Variants in KIF14 observed in about 807,000 individuals in gnomAD.
The protein encoded by KIF14 is kinesin family member 14.
Under a neutral mutation model 176.2 loss-of-function variants are expected in KIF14, and 98 were observed. That is an observed-to-expected ratio of 0.56 (90% CI 0.47 to 0.66). The LOEUF (loss-of-function observed/expected upper bound fraction) is 0.66. Ranked by LOEUF, KIF14 falls within the 30% of genes least tolerant of loss-of-function variation. The probability of loss-of-function intolerance (pLI) is 0.00; values close to 1 mark genes in which losing one functional copy is unlikely to be tolerated. For synonymous variants in KIF14, 566 were observed against 632.2 expected, an observed-to-expected ratio of 0.90 and a Z score of 1.57; for missense variants, 1,751 against 1,920.4, an observed-to-expected ratio of 0.91 and a Z score of 1.65.
At chr1:200,614,437 A>G in intron 3 of KIF14, 32 bp from the exon 4 acceptor site, 1 of 1,301,178 alleles carries the variant, frequency 7.7e-7, no homozygotes, top group African/African-American at 1.5e-5. Context: ...AGGGGGAAAT[A>G]AAACTAATTC....
chr1:200,570,063 A>G, intron 22 of KIF14, 58 bp from the exon 23 acceptor site: 1 of 788,600 alleles, frequency 1.3e-6, no homozygotes, highest in Admixed American at 2.4e-5. Flanking sequence ...TAATATTATT[A>G]AGAATATTTA....
At position 200,603,224 on chromosome 1, in the gene KIF14, G is replaced by A. The variant is rs1558083294; in HGVS notation, c.1979+2C>T. 1 of 1,519,338 alleles carries A rather than the reference G, an allele frequency of 6.6e-7. No individual in the cohort carries two copies. The allele number at this position is 1,519,338 out of a possible 1,614,324, so 94.1% of individuals were successfully genotyped here. A position where few individuals can be genotyped will look rare whatever the true frequency, so the allele number is the denominator to read the frequency against. On this transcript the variant is annotated splice_donor_variant, in intron 10 of 29. Transcript: ENST00000367350. LOFTEE classifies it low-confidence loss of function (GC_TO_GT_DONOR). ...ATTCTTTATACTTCAAAAGATACTT[G>A]CCATGTAAGAACAGATTCACGATAA...
chr1:200,555,315 A>G (rs1656774486), intron 28 of KIF14, 65 bp downstream of exon 28: 3 of 1,014,140 alleles, frequency 3.0e-6, no homozygotes, highest in African/African-American at 1.7e-5. Flanking sequence ...AAAAATATCT[A>G]CATTTGAACC....
At chr1:200,616,124 A>T (rs907424084) in intron 2 of KIF14, among the ~76,000 whole-genome samples, 1 of 152,084 alleles carries the variant, frequency 6.6e-6, no homozygotes, top group African/African-American at 2.4e-5. Context: ...ATCTTTCTGT[A>T]TATCCTTTTT....
chr1:200,591,554 A>G (rs551436822), intron 16 of KIF14, among the ~76,000 whole-genome samples: 7 of 152,374 alleles, frequency 4.6e-5, no homozygotes, highest in Non-Finnish European at 8.8e-5. Context: ...TTACAAGGAT[A>G]CTACTTATGC....
chr1:200,578,962 G>A (rs774921915), intron 21 of KIF14, among the ~76,000 whole-genome samples: 3 of 152,068 alleles, frequency 2.0e-5, no homozygotes, highest in East Asian at 1.9e-4. Flanking sequence ...ATGGTGGTGG[G>A]CACCTGTAGT....
chr1:200,591,803 C>T (rs1004741007), intron 16 of KIF14, among the ~76,000 whole-genome samples: 6 of 152,154 alleles, frequency 3.9e-5, no homozygotes, highest in African/African-American at 1.2e-4. Context: ...TGTCATAGCA[C>T]TGTTATAACT....
At chr1:200,610,855 TGA>T (rs1300883030) in intron 4 of KIF14, among the ~76,000 whole-genome samples, 1 of 152,028 alleles carries the variant, frequency 6.6e-6, no homozygotes, top group Non-Finnish European at 1.5e-5. Context: ...ATGTGAGGCA[TGA>T]GAGACAGAGT....
intron 22 of KIF14, among the ~76,000 whole-genome samples, chr1:200,572,916 C>G (rs1657889148): frequency 6.6e-6 from 1 of 152,170 alleles, no homozygotes; most frequent in Non-Finnish European, 1.5e-5. Flanking sequence ...CCAACTCTGT[C>G]AAGTCCTCAA....
Position 200,593,763 on chromosome 1 carries a change from G to T in KIF14, c.2556C>A (p.Ile852=). 2 of 1,589,980 alleles carry T rather than the reference G, an allele frequency of 1.3e-6. No homozygotes were observed. The highest frequency in any genetic ancestry group is 1.7e-6 in the Non-Finnish European group (2 of 1,158,944). Residue 852 remains isoleucine (I), a synonymous_variant, in exon 15 of 30, where the codon ATC becomes ATA. Transcript: ENST00000367350. ...GVLIADDHCT[I]KNFGGTVSII... The stretch of plus-strand genomic sequence containing the variant: ...TACTCACTGTCCCACCAAAATTTTT[G>T]ATAGTACTGTTAAAATAAGAAGCAC...
At chr1:200,610,229 G>A (rs143306723) in intron 4 of KIF14, among the ~76,000 whole-genome samples, 45 of 152,190 alleles carry the variant, frequency 3.0e-4, no homozygotes, top group African/African-American at 8.7e-4. Context: ...GGCTGGGCGC[G>A]GTGGCTCACG....
chr1:200,606,455 A>G (rs1659883409), intron 6 of KIF14, among the ~76,000 whole-genome samples: 1 of 152,208 alleles, frequency 6.6e-6, no homozygotes, highest in Non-Finnish European at 1.5e-5. Context: ...AGGAAGGGGT[A>G]AAAGAAAGAA....
intron 23 of KIF14, among the ~76,000 whole-genome samples, chr1:200,568,530 A>G (rs563059115): frequency 6.6e-6 from 1 of 152,316 alleles, no homozygotes; most frequent in African/African-American, 2.4e-5. Context: ...TTATTTTAAA[A>G]TTTTTGTTTA....
chr1:200,553,873 C>CA, intron 29 of KIF14, 106 bp from the exon 30 acceptor site: 1 of 1,118,212 alleles, frequency 8.9e-7, no homozygotes, highest in Non-Finnish European at 1.3e-6. Flanking sequence ...GTGACCCTAT[C>CA]AAAACAATTC....
Position 200,584,521 on chromosome 1 carries a change from G to T in KIF14, c.3241+1580C>A, listed in dbSNP as rs112129754. Among the ~76,000 whole-genome samples the T allele has an allele frequency of 5.3e-5, 8 of 152,240 alleles. 1 individual carries two copies. Among genetic ancestry groups the T allele is most frequent in the African/African-American group, 1.4e-4 (6 of 41,554 alleles). ...GGATCATACACCATGATCAAGTGGG[G>T]TTTATCACTGGGATGCAAGGATGGT... On this transcript the variant is annotated intron_variant, in intron 19 of 29. Coordinates refer to ENST00000367350, the MANE Select transcript of KIF14 (RefSeq NM_014875.3).
intron 14 of KIF14, 129 bp from the exon 15 acceptor site, chr1:200,593,898 T>G: frequency 6.1e-6 from 3 of 489,940 alleles, no homozygotes; most frequent in Non-Finnish European, 1.1e-5. Context: ...GTAACAATAA[T>G]TTAAAATTAT....
rs1171192347 is a variant in KIF14, at chr1:200,553,178, G to A, written c.*210C>T. The A allele has an allele frequency of 1.9e-5, 7 of 375,630 alleles. No individual in the cohort carries two copies. The highest frequency in any genetic ancestry group is 3.2e-5 in the Non-Finnish European group (7 of 218,238). 23.3% of individuals were successfully genotyped at this position (375,630 alleles called of 1,614,324 possible). On this transcript the variant is annotated 3_prime_UTR_variant, in exon 30 of 30. Transcript: ENST00000367350. ...AGGCCGGTCTCAAACTCCTGACCTT[G>A]TGATCTGCCCGCCTCCCAAAGTGCT... is the stretch of plus-strand genomic sequence containing the variant.
At position 200,551,925 on chromosome 1, in the gene KIF14, A is replaced by C. The variant is rs1656550872; in HGVS notation, c.*1463T>G. ...AAAAATAAAAAAAGAAATGAAAGCA[A>C]ATGTGCTACATTGTACCATTTTAAA... On this transcript the variant is annotated 3_prime_UTR_variant, in exon 30 of 30. Transcript: ENST00000367350. 1 of 152,216 alleles carries C rather than the reference A, an allele frequency of 6.6e-6. No homozygotes were observed. Among genetic ancestry groups the C allele is most frequent in the African/African-American group, 2.4e-5 (1 of 41,458 alleles). 9.4% of individuals were successfully genotyped at this position (152,216 alleles called of 1,614,324 possible).
In KIF14 at chr1:200,615,483, A is replaced by T; in HGVS notation, c.1239T>A (p.Cys413Ter). ...TTGTCTGGCTAGCGTAGTGAGGATG[A>T]CATTCATCAAAAGACCAGAATGAAA... ...YDVSFWSFDECHPHYASQTTV... is the reference protein window; with the variant it reads ...YDVSFWSFDE Residue 413 changes from cysteine (C) to a stop codon, truncating the protein, a stop_gained, in exon 3 of 30, where the codon TGT becomes TGA. Transcript: ENST00000367350. LOFTEE classifies it high-confidence loss of function. The T allele has an allele frequency of 6.2e-7, 1 of 1,614,176 alleles. No individual in the cohort carries two copies. Among genetic ancestry groups the T allele is most frequent in the Non-Finnish European group, 8.5e-7 (1 of 1,180,024 alleles).
Sources: allele counts gnomAD v4.1 joint callset (sites outside exome capture counted in the v4.1 genomes callset), GRCh38; gene constraint gnomAD v4.1.1; transcripts MANE v1.5; gene names NCBI Gene and HGNC (gene_info 2026-07-23, HGNC 2026-07-21).